Variants in NEO1 observed in about 807,000 individuals in gnomAD.
NEO1 encodes the protein neogenin 1.
In NEO1, 63 loss-of-function variants were observed where a neutral mutation model predicts 159.7. That is an observed-to-expected ratio of 0.39 (90% CI 0.32 to 0.49). The LOEUF is 0.49. NEO1 is among the 20% of genes least tolerant of loss of function. NEO1 has a pLI of 0.85. For synonymous variants in NEO1, 633 were observed against 662.0 expected (o/e 0.96, Z 0.67); for missense variants, 1,615 against 1,831.0 (o/e 0.88, Z 2.15).
At chr15:73,234,218 G>A (rs1198177901) in intron 7 of NEO1, among the ~76,000 whole-genome samples, 2 of 151,990 alleles carry the variant, frequency 1.3e-5, no homozygotes, top group African/African-American at 4.8e-5. Flanking sequence ...TCCCAATAAG[G>A]GTTTTTAATG....
At chr15:73,092,281 C>T (rs1244196534) in intron 1 of NEO1, among the ~76,000 whole-genome samples, 2 of 152,138 alleles carry the variant, frequency 1.3e-5, no homozygotes, top group African/African-American at 2.4e-5. Context: ...AAGTACTACA[C>T]AAGTGTCAGC....
chr15:73,057,040 C>T (rs1313799633), intron 1 of NEO1, among the ~76,000 whole-genome samples: 2 of 152,078 alleles, frequency 1.3e-5, no homozygotes, highest in African/African-American at 4.8e-5. Context: ...TGGGGTATGA[C>T]TTGTGGTTCT....
intron 7 of NEO1, among the ~76,000 whole-genome samples, chr15:73,194,740 A>G (rs1463041218): frequency 2.0e-5 from 3 of 152,188 alleles, no homozygotes; most frequent in Admixed American, 1.3e-4. Context: ...GTACATATTT[A>G]TTACATGTTG....
chr15:73,278,117 T>A lies in NEO1; in HGVS notation c.3194-14T>A. 6.2e-7 allele frequency: 1 copy of A among 1,607,102 alleles called. No individual in the cohort carries two copies. The highest frequency in any genetic ancestry group is 1.1e-5 in the South Asian group (1 of 90,510). On this transcript the variant is annotated splice_polypyrimidine_tract_variant and intron_variant, in intron 21 of 28. Transcript: ENST00000261908. The stretch of plus-strand genomic sequence containing the variant: ...TGTGTGGGGTCATTATTGACATGAT[T>A]TCTTCTCCTTTAGCCTCAGGGTCTG...
chr15:73,117,476 G>A lies in NEO1; in HGVS notation c.448+619G>A, dbSNP rs7180131. On this transcript the variant is annotated intron_variant, in intron 2 of 28. Coordinates refer to ENST00000261908, the MANE Select transcript of NEO1 (RefSeq NM_002499.4). ...TGTCTGTTTTGTAGTAGATACTAGC[G>A]TTCCTGAGATAGTGTTTCTTTACTT... Among the ~76,000 whole-genome samples the A allele has an allele frequency of 6.3e-3, 965 of 152,250 alleles. 8 individuals carry two copies. The highest frequency in any genetic ancestry group is 0.022 in the African/African-American group (925 of 41,540).
At chr15:73,147,085 A>G (rs1412219643) in intron 5 of NEO1, among the ~76,000 whole-genome samples, 1 of 152,216 alleles carries the variant, frequency 6.6e-6, no homozygotes, top group Non-Finnish European at 1.5e-5. Flanking sequence ...GCCTCTGGCA[A>G]TGTGATCTTG....
chr15:73,156,033 TC>T (rs2033746029), intron 5 of NEO1, among the ~76,000 whole-genome samples: 1 of 152,252 alleles, frequency 6.6e-6, no homozygotes, highest in South Asian at 2.1e-4. Context: ...TTTTCATACT[TC>T]CTATATCTTT....
chr15:73,067,185 G>T (rs1293608183), intron 1 of NEO1, among the ~76,000 whole-genome samples: 1 of 152,138 alleles, frequency 6.6e-6, no homozygotes, highest in Non-Finnish European at 1.5e-5. Flanking sequence ...CCTGATTTCA[G>T]ATTGTTCTGT....
chr15:73,199,377 T>C (rs1453214937), intron 7 of NEO1, among the ~76,000 whole-genome samples: 2 of 152,108 alleles, frequency 1.3e-5, no homozygotes. Context: ...TACTTTTTTT[T>C]ATCCTTTCCA....
At chr15:73,216,579 T>A (rs2037898643) in intron 7 of NEO1, among the ~76,000 whole-genome samples, 1 of 152,178 alleles carries the variant, frequency 6.6e-6, no homozygotes, top group African/African-American at 2.4e-5. Context: ...TTTCTCCACA[T>A]CCTCTCCAGC....
At chr15:73,274,807 T>G in intron 21 of NEO1, 83 bp downstream of exon 21, 1 of 1,382,450 alleles carries the variant, frequency 7.2e-7, no homozygotes, top group Non-Finnish European at 1.0e-6. Flanking sequence ...TTTTTTTTTT[T>G]TTTTTCCTGA....
chr15:73,282,291 A>G (rs1310278185), intron 22 of NEO1, among the ~76,000 whole-genome samples: 1 of 152,134 alleles, frequency 6.6e-6, no homozygotes, highest in East Asian at 1.9e-4. Context: ...TTTCATATTT[A>G]TCGTTTATCC....
chr15:73,206,523 G>C (rs1379223080), intron 7 of NEO1, among the ~76,000 whole-genome samples: 4 of 152,302 alleles, frequency 2.6e-5, no homozygotes, highest in Non-Finnish European at 4.4e-5. Context: ...AGCTAGGGTA[G>C]CGTGTGGCTC....
At chr15:73,065,810 T>G (rs971540630) in intron 1 of NEO1, among the ~76,000 whole-genome samples, 4 of 152,180 alleles carry the variant, frequency 2.6e-5, no homozygotes, top group African/African-American at 9.7e-5. Flanking sequence ...TAAATTCCAT[T>G]AGAATTTAGT....
chr15:73,089,247 G>A (rs926813940), intron 1 of NEO1, among the ~76,000 whole-genome samples: 11 of 151,930 alleles, frequency 7.2e-5, no homozygotes, highest in African/African-American at 2.7e-4. Flanking sequence ...TTTTAAGACC[G>A]GACATAAGTA....
At chr15:73,214,163 C>T (rs1279090595) in intron 7 of NEO1, among the ~76,000 whole-genome samples, 2 of 152,026 alleles carry the variant, frequency 1.3e-5, no homozygotes, top group Non-Finnish European at 2.9e-5. Context: ...GGATGTTAGT[C>T]CTTTGTCAGC....
chr15:73,252,748 G>A (rs1300126867), intron 11 of NEO1, among the ~76,000 whole-genome samples: 3 of 152,148 alleles, frequency 2.0e-5, no homozygotes, highest in Non-Finnish European at 4.4e-5. Context: ...CCAGCACTTT[G>A]AGAGGCCGAG....
chr15:73,055,614 T>C (rs2067657628), intron 1 of NEO1, among the ~76,000 whole-genome samples: 1 of 152,206 alleles, frequency 6.6e-6, no homozygotes, highest in Admixed American at 6.5e-5. Context: ...AGTCCACACT[T>C]TCTCACTTGC....
At chr15:73,207,156 TTAG>T (rs1346190161) in intron 7 of NEO1, among the ~76,000 whole-genome samples, 6 of 152,212 alleles carry the variant, frequency 3.9e-5, no homozygotes, top group Admixed American at 1.3e-4. Context: ...TTTGTTACTA[TTAG>T]TAGTGGTAAG....
Sources: gnomAD v4.1 joint callset for allele counts (sites outside exome capture counted in the v4.1 genomes callset) on GRCh38, gnomAD v4.1.1 for gene constraint, MANE v1.5 for transcripts, NCBI Gene and HGNC (gene_info 2026-07-23, HGNC 2026-07-21) for gene names.